TRPM1: variants seen among roughly 807,000 people sequenced by gnomAD.
TRPM1 encodes the protein TRPM1-203 APA Isoform, Intron 10.
Under a neutral mutation model 149.4 loss-of-function variants are expected in TRPM1, and 113 were observed. The ratio of observed to expected loss-of-function variants is 0.76; its 90% confidence interval spans 0.65 to 0.88. TRPM1 has a LOEUF of 0.88. TRPM1 is among the 40% of genes least tolerant of loss of function. The probability of loss-of-function intolerance (pLI) is 0.00; values close to 1 mark genes in which losing one functional copy is unlikely to be tolerated. For synonymous variants in TRPM1, 741 were observed against 759.5 expected (o/e 0.98, Z 0.40); for missense variants, 1,976 against 2,038.7 (o/e 0.97, Z 0.59).
Position 31,069,240 on chromosome 15 carries a change from G to A in TRPM1, c.279+791C>T, listed in dbSNP as rs370431069. On this transcript the variant is annotated intron_variant, in intron 4 of 27. Transcript: ENST00000256552. ...GATGAGGATGTTGTTGAGTAAATGG[G>A]TCAGGCGATCATGGGCCCACCCATG... 66 of 197,996 alleles carry A rather than the reference G, an allele frequency of 3.3e-4. 2 individuals are homozygous for A. Among genetic ancestry groups the A allele is most frequent in the African/African-American group, 1.4e-3 (61 of 42,518 alleles). 12.3% of individuals were successfully genotyped at this position (197,996 alleles called of 1,614,324 possible).
At position 31,040,104 on chromosome 15, in the gene TRPM1, C is replaced by A; in HGVS notation, c.2316+14G>T. On this transcript the variant is annotated intron_variant, in intron 18 of 27. Transcript: ENST00000256552. This position sits in a 1 kb window ranked among gnomAD's most constrained non-coding sequence, Gnocchi z 4.2. ...ACTGTCACCCTGGCCCGCCTCGCAG[C>A]ACGTTGCACGCACCTTCAGGCCGGG... is the stretch of plus-strand genomic sequence containing the variant. 6.2e-7 allele frequency: 1 copy of A among 1,613,090 alleles called. No homozygotes were observed. Among genetic ancestry groups the A allele is most frequent in the Non-Finnish European group, 8.5e-7 (1 of 1,179,040 alleles).
chr15:31,085,251 T>A (rs1382280496), intron 1 of TRPM1, among the ~76,000 whole-genome samples: 1 of 151,986 alleles, frequency 6.6e-6, no homozygotes, highest in African/African-American at 2.4e-5. Context: ...GTTCCAAGAG[T>A]CCAGCCTCAT....
At chr15:31,123,691 A>G (rs1391026658) in intron 1 of TRPM1, among the ~76,000 whole-genome samples, 1 of 152,208 alleles carries the variant, frequency 6.6e-6, no homozygotes, top group Non-Finnish European at 1.5e-5. Context: ...AACCCAAAAA[A>G]CTGACAATTT....
rs1420570758 is a variant in TRPM1, at chr15:31,040,097, C to T, written c.2316+21G>A. On this transcript the variant is annotated intron_variant, in intron 18 of 27. Coordinates refer to ENST00000256552, the MANE Select transcript of TRPM1 (RefSeq NM_001252024.2). This position sits in a 1 kb window ranked among gnomAD's most constrained non-coding sequence, Gnocchi z 4.2. ...ACTTGTCACTGTCACCCTGGCCCGC[C>T]TCGCAGCACGTTGCACGCACCTTCA... 8 of 1,611,802 alleles carry T rather than the reference C, an allele frequency of 5.0e-6. No homozygotes were observed. Among genetic ancestry groups the T allele is most frequent in the Non-Finnish European group, 6.8e-6 (8 of 1,178,028 alleles).
At chr15:31,117,535 C>T (rs1383481877) in intron 1 of TRPM1, among the ~76,000 whole-genome samples, 2 of 151,830 alleles carry the variant, frequency 1.3e-5, no homozygotes, top group African/African-American at 4.8e-5. Context: ...GTAGTCCCAG[C>T]TATCTGGGAG....
At chr15:31,018,859 T>G (rs2032460652) in intron 27 of TRPM1, among the ~76,000 whole-genome samples, 1 of 152,248 alleles carries the variant, frequency 6.6e-6, no homozygotes, top group Non-Finnish European at 1.5e-5. Flanking sequence ...TTTTGCCATG[T>G]TGGCCAAGCT....
chr15:31,074,960 C>A (rs1015426120), intron 3 of TRPM1, among the ~76,000 whole-genome samples: 1 of 152,082 alleles, frequency 6.6e-6, no homozygotes, highest in Non-Finnish European at 1.5e-5. Flanking sequence ...TATTAATTTT[C>A]ACATATTTAT....
At chr15:31,123,286 T>C (rs2035903670) in intron 1 of TRPM1, among the ~76,000 whole-genome samples, 1 of 152,172 alleles carries the variant, frequency 6.6e-6, no homozygotes, top group Non-Finnish European at 1.5e-5. Flanking sequence ...CGATGACTTT[T>C]CAGATGCAAT....
chr15:31,141,396 T>C (rs1265623439), intron 1 of TRPM1, among the ~76,000 whole-genome samples: 4 of 152,058 alleles, frequency 2.6e-5, no homozygotes, highest in Non-Finnish European at 5.9e-5. Flanking sequence ...GGTGAGAAAA[T>C]TGTAGAAGGA....
At chr15:31,069,315 T>C in intron 4 of TRPM1, 1 of 659,310 alleles carries the variant, frequency 1.5e-6, no homozygotes, top group Non-Finnish European at 1.9e-6. Context: ...TCAGATGCCT[T>C]GTCTCCTATA....
At chr15:31,140,364 G>C (rs2036145497) in intron 1 of TRPM1, among the ~76,000 whole-genome samples, 1 of 150,840 alleles carries the variant, frequency 6.6e-6, no homozygotes, top group South Asian at 2.1e-4. Context: ...GGGCGACAGA[G>C]AGAGAATCCG....
intron 27 of TRPM1, among the ~76,000 whole-genome samples, chr15:31,015,978 C>T (rs2032343093): frequency 6.6e-6 from 1 of 152,088 alleles, no homozygotes; most frequent in African/African-American, 2.4e-5. Context: ...ACTTGAGAAC[C>T]CCAAATGCCA....
chr15:31,120,407 A>G (rs1380193523), intron 1 of TRPM1, among the ~76,000 whole-genome samples: 2 of 152,222 alleles, frequency 1.3e-5, no homozygotes, highest in East Asian at 3.8e-4. Flanking sequence ...AAAAGGCAAA[A>G]ACTTACAGAA....
At chr15:31,096,138 G>A (rs967538843) in intron 1 of TRPM1, among the ~76,000 whole-genome samples, 1 of 151,518 alleles carries the variant, frequency 6.6e-6, no homozygotes, top group Non-Finnish European at 1.5e-5. Context: ...AAGGGAAGAA[G>A]GAAGGAAGGG....
chr15:31,072,019 AGAGAGAGAG>A (rs2034572956), intron 3 of TRPM1, among the ~76,000 whole-genome samples: 1 of 33,322 alleles, frequency 3.0e-5, no homozygotes, highest in African/African-American at 9.6e-5. Context: ...ATATATATAT[AGAGAGAGAG>A]AGAGAGAGAG....
chr15:31,064,008 G>T lies in TRPM1; in HGVS notation c.791-716C>A, dbSNP rs2034304743. Among the ~76,000 whole-genome samples the T allele has an allele frequency of 2.0e-5, 3 of 152,146 alleles. No individual in the cohort carries two copies. The South Asian group carries it at 6.2e-4, about 32-fold the overall frequency. On this transcript the variant is annotated intron_variant, in intron 7 of 27. Coordinates refer to ENST00000256552, the MANE Select transcript of TRPM1 (RefSeq NM_001252024.2). ...GTCCCTGAAGAATAAGATGATGAAA[G>T]GGGATCTGGACCAGCCAGGGAAATT...
rs114398294 is a variant in TRPM1 at position 31,127,786 on chromosome 15, A to G, written c.54+33120T>C. Among the ~76,000 whole-genome samples the G allele has an allele frequency of 8.0e-3, 1,222 of 152,292 alleles. 20 individuals are homozygous for G. The highest frequency in any genetic ancestry group is 0.028 in the African/African-American group (1,165 of 41,542). On this transcript the variant is annotated intron_variant, in intron 1 of 26. Coordinates refer to the TRPM1 transcript ENST00000542188. ...AGGAACCAGCAGTGACTGTGAAACG[A>G]GGGCAGCCAGGGAGCCCCAGAAATG...
chr15:31,066,657 C>T lies in TRPM1; in HGVS notation c.618+406G>A, dbSNP rs374249799. 3.9e-4 allele frequency among the ~76,000 whole-genome samples: 60 copies of T among 152,186 alleles called. 2 individuals carry two copies. The highest frequency in any genetic ancestry group is 1.4e-3 in the African/African-American group (58 of 41,512). ...ACCAATACATATGGCAACCTGGACG[C>T]GTGTTCAGAGAACTATGTGGAGTGA... On this transcript the variant is annotated intron_variant, in intron 6 of 27. Coordinates refer to ENST00000256552, the MANE Select transcript of TRPM1 (RefSeq NM_001252024.2).
intron 21 of TRPM1, among the ~76,000 whole-genome samples, chr15:31,034,222 A>G (rs1238819689): frequency 1.3e-5 from 2 of 152,316 alleles, no homozygotes; most frequent in East Asian, 3.9e-4. Context: ...TGCTGTCTGC[A>G]GAGATTGCTT....
Sources: gnomAD v4.1 joint callset for allele counts (sites outside exome capture counted in the v4.1 genomes callset) on GRCh38, gnomAD v4.1.1 for gene constraint, Gnocchi (gnomAD v3.1) non-coding constraint, MANE v1.5 for transcripts, NCBI Gene and HGNC (gene_info 2026-07-23, HGNC 2026-07-21) for gene names.